Variants in RAD54B observed in about 807,000 individuals in gnomAD.
The protein encoded by RAD54B is RAD54 homolog B, also known as DNA repair and recombination protein RAD54B.
Under a neutral mutation model 95.8 loss-of-function variants are expected in RAD54B, and 78 were observed. That is an observed-to-expected ratio of 0.81 (90% CI 0.68 to 0.98). RAD54B has a LOEUF of 0.98. RAD54B is among the 50% of genes least tolerant of loss of function. RAD54B has a pLI of 0.00. For synonymous variants in RAD54B, 328 were observed against 354.9 expected (o/e 0.92, Z 0.85); for missense variants, 957 against 1,056.6 (o/e 0.91, Z 1.31).
intron 3 of RAD54B, chr8:94,431,882 T>A: frequency 8.6e-7 from 1 of 1,164,348 alleles, no homozygotes; most frequent in East Asian, 4.1e-5. Context: ...GAATAAAATA[T>A]CTTTTGTAAG....
chr8:94,427,810 C>CT (rs1465728508), intron 3 of RAD54B: 1 of 959,350 alleles, frequency 1.0e-6, no homozygotes. Flanking sequence ...TTATTACACT[C>CT]TAAGTTATTT....
chr8:94,430,432 T>C, intron 3 of RAD54B: 1 of 985,334 alleles, frequency 1.0e-6, no homozygotes, highest in South Asian at 4.7e-5. Flanking sequence ...TAGTATGATT[T>C]AGGCACCAAG....
At position 94,475,050 on chromosome 8, in the gene RAD54B, T is replaced by C. The variant is rs1333105483; in HGVS notation, c.-66A>G. 1 of 152,320 alleles carries C rather than the reference T, an allele frequency of 6.6e-6. No homozygotes were observed. The highest frequency in any genetic ancestry group is 1.9e-4 in the East Asian group (1 of 5,190). 9.4% of individuals were successfully genotyped at this position (152,320 alleles called of 1,614,324 possible). On this transcript the variant is annotated 5_prime_UTR_variant, in exon 1 of 15. Coordinates refer to ENST00000336148, the MANE Select transcript of RAD54B (RefSeq NM_012415.3). ...TGGCCCTGCAAAGAAGTCCTTCTGG[T>C]AACCAGCTATCCCCTCGCCGCCGGA...
At chr8:94,431,864 A>C in intron 3 of RAD54B, 2 of 1,120,698 alleles carry the variant, frequency 1.8e-6, no homozygotes, top group Non-Finnish European at 2.2e-6. Context: ...TGTATATCTT[A>C]GTGATCAGAA....
chr8:94,400,894 G>A (rs79573940), intron 6 of RAD54B, among the ~76,000 whole-genome samples: 1,723 of 152,102 alleles, frequency 0.011, 32 homozygotes, highest in African/African-American at 0.039. Flanking sequence ...TTATGATTCT[G>A]TCAGTAAATG....
rs867164813 is a variant in RAD54B at position 94,430,600 on chromosome 8, C to A, written c.305-19285G>T. 10 of 608,384 alleles carry A rather than the reference C, an allele frequency of 1.6e-5. 1 individual carries two copies. The highest frequency in any genetic ancestry group is 1.7e-3 in the Middle Eastern group (2 of 1,200). The allele number at this position is 608,384 out of a possible 1,614,324, so 37.7% of individuals were successfully genotyped here. ...AACAAGTTCTCAAGTGATGCTGATG[C>A]TGCTGGTCAGGACCCATACTTGGAA... is the stretch of plus-strand genomic sequence containing the variant. On this transcript the variant is annotated intron_variant, in intron 3 of 14. Coordinates refer to ENST00000336148, the MANE Select transcript of RAD54B (RefSeq NM_012415.3).
Position 94,372,337 on chromosome 8 carries a change from G to A in RAD54B, c.2566C>T (p.His856Tyr). The change falls in exon 15 of 15, where the codon CAT becomes TAT. Residue 856 changes from histidine to tyrosine, a missense_variant. His to Tyr is a moderately conservative substitution (Grantham distance 83). Coordinates refer to ENST00000336148, the MANE Select transcript of RAD54B (RefSeq NM_012415.3). ...IVSRDCQLGP[H>Y]HQKSNSLKPL... ...TTCAGGGAGTTAGATTTCTGGTGAT[G>A]TGGACCAAGCTGACAATCTCTAGAG... 1 of 1,613,816 alleles carries A rather than the reference G, an allele frequency of 6.2e-7. No individual in the cohort carries two copies. Among genetic ancestry groups the A allele is most frequent in the Non-Finnish European group, 8.5e-7 (1 of 1,179,900 alleles).
intron 3 of RAD54B, chr8:94,428,794 A>T (rs1478203824): frequency 1.0e-6 from 1 of 985,206 alleles, no homozygotes; most frequent in Non-Finnish European, 1.2e-6. Flanking sequence ...CTTGTCCTCA[A>T]CAAAAACTGC....
At chr8:94,457,200 A>G (rs1420695097) in intron 3 of RAD54B, among the ~76,000 whole-genome samples, 2 of 152,204 alleles carry the variant, frequency 1.3e-5, no homozygotes, top group Non-Finnish European at 2.9e-5. Context: ...GGAAAACAGA[A>G]TAGTCACCTA....
Position 94,372,447 on chromosome 8 carries a change from T to C in RAD54B, c.2516-60A>G, listed in dbSNP as rs1212011476. Reference sequence around the variant, plus strand: ...CAAGCCAATATCCTGCTAAATACAATACTTTTTTGTTTTATGATAATTAGT... The same window carrying C: ...CAAGCCAATATCCTGCTAAATACAACACTTTTTTGTTTTATGATAATTAGT... On this transcript the variant is annotated intron_variant, in intron 14 of 14. Transcript: ENST00000336148. 10 of 1,572,964 alleles carry C rather than the reference T, an allele frequency of 6.4e-6. No homozygotes were observed. In the Admixed American group the frequency reaches 8.2e-5, roughly 13 times the overall value.
At chr8:94,428,382 T>A (rs767970448) in intron 3 of RAD54B, 3 of 940,938 alleles carry the variant, frequency 3.2e-6, no homozygotes, top group African/African-American at 1.8e-5. Flanking sequence ...CCAAGGGGGA[T>A]TGGTTTCAGG....
At position 94,393,834 on chromosome 8, in the gene RAD54B, A is replaced by G. The variant is rs751114628; in HGVS notation, c.1427T>C (p.Phe476Ser). 6.2e-7 allele frequency: 1 copy of G among 1,600,828 alleles called. No individual in the cohort carries two copies. The highest frequency in any genetic ancestry group is 2.2e-5 in the East Asian group (1 of 44,696). ...AGAGCCTAATATTCCTGGATTTACA[A>G]AATCAATTAATGCAAAAAATTCTTG... is the stretch of plus-strand genomic sequence containing the variant. ...DLQEFFALID[F>S]VNPGILGSLS... is the part of the protein sequence containing the mutation. The change falls in exon 9 of 15, where the codon TTT (phenylalanine) becomes TCT (serine). Residue 476 changes from phenylalanine (F) to serine (S), a missense_variant. Phe to Ser is a radical substitution (Grantham distance 155). Coordinates refer to ENST00000336148, the MANE Select transcript of RAD54B (RefSeq NM_012415.3).
At chr8:94,375,080 GT>G (rs1810535334) in intron 14 of RAD54B, among the ~76,000 whole-genome samples, 1 of 152,152 alleles carries the variant, frequency 6.6e-6, no homozygotes, top group African/African-American at 2.4e-5. Context: ...TTCTGGGAGT[GT>G]GTAAATTGAC....
At chr8:94,468,975 A>T (rs1298638486) in intron 1 of RAD54B, among the ~76,000 whole-genome samples, 1 of 151,954 alleles carries the variant, frequency 6.6e-6, no homozygotes, top group Non-Finnish European at 1.5e-5. Flanking sequence ...AAACAAAAAC[A>T]AAACATATGA....
Position 94,427,695 on chromosome 8 carries a change from C to CA in RAD54B, c.305-16381dup, listed in dbSNP as rs1811976895. 1.4e-5 allele frequency: 14 copies of CA among 982,172 alleles called. No individual in the cohort carries two copies. In the Admixed American group the frequency reaches 7.4e-4, roughly 52 times the overall value. 60.8% of individuals were successfully genotyped at this position (982,172 alleles called of 1,614,324 possible). A position where few individuals can be genotyped will look rare whatever the true frequency, so the allele number is the denominator to read the frequency against. ...CTGAATTATTTGTCTTAACGGCACA[C>CA]AAAAAAAGTACACAAATCAGTACAA... On this transcript the variant is annotated intron_variant, in intron 3 of 14. Coordinates refer to ENST00000336148, the MANE Select transcript of RAD54B (RefSeq NM_012415.3).
chr8:94,405,620 A>G (rs992021951), intron 5 of RAD54B, among the ~76,000 whole-genome samples: 1 of 152,180 alleles, frequency 6.6e-6, no homozygotes, highest in African/African-American at 2.4e-5. Flanking sequence ...GCTTTCCTCT[A>G]TATCACTGTA....
At chr8:94,402,847 A>G (rs1253930250) in intron 6 of RAD54B, among the ~76,000 whole-genome samples, 1 of 151,936 alleles carries the variant, frequency 6.6e-6, no homozygotes, top group Non-Finnish European at 1.5e-5. Flanking sequence ...AAAATATGAT[A>G]TTTTTATGAC....
intron 3 of RAD54B, among the ~76,000 whole-genome samples, chr8:94,413,780 T>C (rs1355698189): frequency 6.6e-6 from 1 of 151,582 alleles, no homozygotes; most frequent in Non-Finnish European, 1.5e-5. Flanking sequence ...GGTAAAATAT[T>C]CACAGCATAT....
At chr8:94,372,731 C>T (rs1249141269) in intron 14 of RAD54B, among the ~76,000 whole-genome samples, 2 of 152,058 alleles carry the variant, frequency 1.3e-5, no homozygotes, top group Non-Finnish European at 2.9e-5. Flanking sequence ...TTTACAAATT[C>T]AGAATATAAT....
Sources: allele counts gnomAD v4.1 joint callset (sites outside exome capture counted in the v4.1 genomes callset), GRCh38; gene constraint gnomAD v4.1.1; transcripts MANE v1.5; gene names NCBI Gene and HGNC (gene_info 2026-07-23, HGNC 2026-07-21).